The following TUSC3 variants were observed in gnomAD, a reference collection of about 807,000 sequenced individuals.
TUSC3 encodes tumor suppressor candidate 3.
In TUSC3, 45 loss-of-function variants were observed where a neutral mutation model predicts 44.8. The ratio of observed to expected loss-of-function variants is 1.00; its 90% CI spans 0.79 to 1.29. The LOEUF (loss-of-function observed/expected upper bound fraction) is 1.29, where lower values mean the gene tolerates loss of function less well. Among genes scored for constraint, TUSC3 ranks in the 50% most tolerant of loss-of-function variants. The probability of loss-of-function intolerance (pLI) is 0.00; values close to 1 mark genes in which losing one functional copy is unlikely to be tolerated. For missense variants in TUSC3, 519 were observed against 437.9 expected (o/e 1.19, Z -1.65); for synonymous variants, 212 against 152.9 (o/e 1.39, Z -2.85).
intron 1 of TUSC3, among the ~76,000 whole-genome samples, chr8:15,563,764 C>T (rs958057770): frequency 4.7e-5 from 7 of 150,244 alleles, no homozygotes; most frequent in African/African-American, 1.5e-4. Flanking sequence ...TTTTAAAGCT[C>T]ATAGTTCTTA....
intron 1 of TUSC3, among the ~76,000 whole-genome samples, chr8:15,446,510 A>C (rs1390135227): frequency 6.6e-6 from 1 of 151,948 alleles, no homozygotes; most frequent in African/African-American, 2.4e-5. Context: ...CAGATCACTC[A>C]TGGTCAGGAG....
At chr8:15,635,782 G>C (rs1806043134) in intron 2 of TUSC3, among the ~76,000 whole-genome samples, 1 of 152,282 alleles carries the variant, frequency 6.6e-6, no homozygotes, top group Middle Eastern at 3.4e-3. Context: ...ATTCATTGTA[G>C]CTTCTGCATG....
At chr8:15,744,062 T>C (rs927992594) in intron 8 of TUSC3, among the ~76,000 whole-genome samples, 6 of 152,348 alleles carry the variant, frequency 3.9e-5, no homozygotes, top group East Asian at 3.9e-4. Context: ...GATACTCTTA[T>C]TACCTTTCTA....
chr8:15,609,912 T>A (rs750695181), intron 1 of TUSC3, among the ~76,000 whole-genome samples: 2 of 152,154 alleles, frequency 1.3e-5, no homozygotes, highest in Non-Finnish European at 2.9e-5. Context: ...ATATATTACC[T>A]TCTATCTTTC....
chr8:15,524,314 T>C (rs1294315058), intron 2 of TUSC3, among the ~76,000 whole-genome samples: 2 of 152,114 alleles, frequency 1.3e-5, no homozygotes, highest in East Asian at 3.9e-4. Context: ...ATAATAGCAG[T>C]GAATAATTTG....
chr8:15,593,993 G>A (rs1462406714), intron 1 of TUSC3, among the ~76,000 whole-genome samples: 4 of 151,966 alleles, frequency 2.6e-5, no homozygotes, highest in Non-Finnish European at 5.9e-5. Context: ...ACTAACTTTG[G>A]CATGTACTAA....
chr8:15,634,171 G>A (rs1248825397), intron 2 of TUSC3, among the ~76,000 whole-genome samples: 1 of 152,182 alleles, frequency 6.6e-6, no homozygotes, highest in Non-Finnish European at 1.5e-5. Flanking sequence ...GCCCTGGGGA[G>A]TGTATGTAGT....
chr8:15,417,264 T>C (rs1257887353), exon 1 of TUSC3: 1 of 152,468 alleles, frequency 6.6e-6, no homozygotes, highest in African/African-American at 2.4e-5. Context: ...GTAAGTTTCC[T>C]GAGGCCTCCT....
At chr8:15,790,246 C>T in the TUSC3 span, among the ~76,000 whole-genome samples, 2 of 121,138 alleles carry the variant, frequency 1.7e-5, no homozygotes, top group African/African-American at 3.3e-5. Context: ...AGTGCAGTGG[C>T]GTGATTTTGG....
At chr8:15,747,926 A>G (rs921296618) in intron 8 of TUSC3, among the ~76,000 whole-genome samples, 2 of 152,148 alleles carry the variant, frequency 1.3e-5, no homozygotes, top group African/African-American at 2.4e-5. Context: ...ATTGCATAGC[A>G]TCGGAAAAGA....
chr8:15,470,824 G>A (rs1466196379), intron 1 of TUSC3, among the ~76,000 whole-genome samples: 3 of 152,226 alleles, frequency 2.0e-5, no homozygotes, highest in East Asian at 3.9e-4. Context: ...GTGTCTACAT[G>A]GTCCCAGTGA....
intron 2 of TUSC3, among the ~76,000 whole-genome samples, chr8:15,489,858 G>T (rs10090140): frequency 6.6e-6 from 1 of 152,094 alleles, no homozygotes; most frequent in Non-Finnish European, 1.5e-5. Context: ...AGTCCCTTGG[G>T]CTTAGAATTC....
chr8:15,724,110 C>T (rs547017743), intron 6 of TUSC3, among the ~76,000 whole-genome samples: 1 of 152,210 alleles, frequency 6.6e-6, no homozygotes, highest in South Asian at 2.1e-4. Flanking sequence ...TATAGAGACG[C>T]CTACCTATCT....
intron 6 of TUSC3, among the ~76,000 whole-genome samples, chr8:15,706,764 C>T (rs1332409959): frequency 6.6e-6 from 1 of 151,930 alleles, no homozygotes; most frequent in Non-Finnish European, 1.5e-5. Context: ...AATATGATCA[C>T]GAGCATTTTC....
chr8:15,773,720 CAT>C, the TUSC3 span, among the ~76,000 whole-genome samples: 1 of 152,138 alleles, frequency 6.6e-6, no homozygotes, highest in African/African-American at 2.4e-5. Flanking sequence ...AGGTACCAAA[CAT>C]AGGCACTAGT....
chr8:15,690,785 G>A (rs968819662), intron 6 of TUSC3, among the ~76,000 whole-genome samples: 8 of 151,872 alleles, frequency 5.3e-5, no homozygotes, highest in African/African-American at 1.9e-4. Flanking sequence ...GTTTTTGTCA[G>A]GTTTGTCAAA....
downstream of TUSC3, among the ~76,000 whole-genome samples, chr8:15,771,332 TAAGA>T (rs1291115329): frequency 2.6e-5 from 4 of 151,834 alleles, no homozygotes; most frequent in Admixed American, 6.6e-5. Context: ...TTTGCAAAAA[TAAGA>T]AAGCTGATTC....
chr8:15,458,588 G>T (rs1253105476), intron 1 of TUSC3, among the ~76,000 whole-genome samples: 1 of 152,166 alleles, frequency 6.6e-6, no homozygotes, highest in Non-Finnish European at 1.5e-5. Flanking sequence ...AGCAGGCTAT[G>T]TATGGACCAA....
chr8:15,691,248 G>GT (rs1227086940), intron 6 of TUSC3, among the ~76,000 whole-genome samples: 1 of 151,998 alleles, frequency 6.6e-6, no homozygotes, highest in African/African-American at 2.4e-5. Context: ...GTATTCTTAA[G>GT]TATTTTATTC....
Sources: allele counts gnomAD v4.1 joint callset (sites outside exome capture counted in the v4.1 genomes callset), GRCh38; gene constraint gnomAD v4.1.1; transcripts MANE v1.5; gene names NCBI Gene and HGNC (gene_info 2026-07-23, HGNC 2026-07-21).